The following RIN3 variants were observed in gnomAD, a reference collection of about 807,000 sequenced individuals.
RIN3 encodes RAB5 interacting protein 3.
Under a neutral mutation model 76.3 loss-of-function variants are expected in RIN3, and 54 were observed. That is an observed-to-expected ratio of 0.71 (90% confidence interval 0.57 to 0.89). The LOEUF (loss-of-function observed/expected upper bound fraction) is 0.89. Ranked by LOEUF, RIN3 falls within the 40% of genes least tolerant of loss-of-function variation. RIN3 has a pLI of 0.00. For missense variants in RIN3, 1,256 were observed against 1,322.1 expected (o/e 0.95, Z 0.78); for synonymous variants, 576 against 564.0 (o/e 1.02, Z -0.30).
Position 92,568,684 on chromosome 14 carries a change from G to T in RIN3, c.250-8676G>T, listed in dbSNP as rs377602078. On this transcript the variant is annotated intron_variant, in intron 2 of 9. Coordinates refer to ENST00000216487, the MANE Select transcript of RIN3 (RefSeq NM_024832.5). The surrounding 1 kb of genome is among the most constrained non-coding windows in gnomAD (Gnocchi z 4.2). ...GACTCCTGGAGCCATGCCAAACTCA[G>T]AGTCCGTCCCTGCCCCACTCTCCAT... Among the ~76,000 whole-genome samples the T allele has an allele frequency of 1.3e-4, 20 of 152,354 alleles. No homozygotes were observed. The East Asian group carries it at 3.5e-3, about 26-fold the overall frequency.
chr14:92,624,610 T>C (rs1233734484), intron 4 of RIN3, among the ~76,000 whole-genome samples: 1 of 152,076 alleles, frequency 6.6e-6, no homozygotes, highest in Non-Finnish European at 1.5e-5. Flanking sequence ...GGCAGAGATA[T>C]TTCTCTGCTG....
At chr14:92,526,391 A>G (rs937792355) in intron 1 of RIN3, among the ~76,000 whole-genome samples, 1 of 151,916 alleles carries the variant, frequency 6.6e-6, no homozygotes, top group Admixed American at 6.6e-5. Context: ...CTCGGGAGGC[A>G]GAGGTTGCAG....
chr14:92,651,559 C>T (rs769898931), intron 5 of RIN3, 23 bp from the exon 6 acceptor site: 1 of 1,572,520 alleles, frequency 6.4e-7, no homozygotes, highest in Non-Finnish European at 8.6e-7. Context: ...GACTGACCCC[C>T]TGCCCCTCTC....
chr14:92,537,548 C>T (rs1296767385), intron 1 of RIN3, among the ~76,000 whole-genome samples: 1 of 150,338 alleles, frequency 6.7e-6, no homozygotes, highest in Non-Finnish European at 1.5e-5. Flanking sequence ...TATGTGTTTG[C>T]AATTGTGATA....
chr14:92,643,179 G>A lies in RIN3; in HGVS notation c.532+1850G>A, dbSNP rs189047683. ...AGCGATTCTTCTGCCTCAGCCTCCC[G>A]AGTAGCTGGGACTACAGGCGCATGC... On this transcript the variant is annotated intron_variant, in intron 5 of 9. Transcript: ENST00000216487. This position sits in a 1 kb window ranked among gnomAD's most constrained non-coding sequence, Gnocchi z 4.8. Among the ~76,000 whole-genome samples, 427 of 151,936 alleles carry A rather than the reference G, an allele frequency of 2.8e-3. 10 individuals are homozygous for A. In the South Asian group the frequency reaches 0.039, roughly 14 times the overall value.
intron 4 of RIN3, among the ~76,000 whole-genome samples, chr14:92,635,522 C>T (rs570008218): frequency 6.6e-6 from 1 of 152,010 alleles, no homozygotes; most frequent in Non-Finnish European, 1.5e-5. Flanking sequence ...ACCTTGTGGC[C>T]CGGCAGACTC....
At chr14:92,599,191 T>C (rs1387329711) in intron 3 of RIN3, among the ~76,000 whole-genome samples, 1 of 152,062 alleles carries the variant, frequency 6.6e-6, no homozygotes, top group Admixed American at 6.5e-5. Context: ...GCGAAGGACA[T>C]TAAGTGTGGG....
At chr14:92,575,963 C>T (rs1898215453) in intron 2 of RIN3, among the ~76,000 whole-genome samples, 1 of 152,200 alleles carries the variant, frequency 6.6e-6, no homozygotes, top group African/African-American at 2.4e-5. Context: ...TGTCCCTGCT[C>T]CACAGCCTTT....
At chr14:92,627,891 T>G (rs1372307792) in intron 4 of RIN3, among the ~76,000 whole-genome samples, 2 of 152,174 alleles carry the variant, frequency 1.3e-5, no homozygotes, top group Non-Finnish European at 2.9e-5. Context: ...GCAATTTACT[T>G]CTATAGAAGG....
At chr14:92,644,650 C>T (rs1887133125) in intron 5 of RIN3, 1 of 152,192 alleles carries the variant, frequency 6.6e-6, no homozygotes, top group Non-Finnish European at 1.5e-5. Flanking sequence ...CCGTGCAGAC[C>T]TGGTGTCCCC....
intron 4 of RIN3, among the ~76,000 whole-genome samples, chr14:92,616,774 G>C (rs552814834): frequency 6.6e-6 from 1 of 152,272 alleles, no homozygotes; most frequent in African/African-American, 2.4e-5. Context: ...GTCTCTATGC[G>C]AGAGGAAATG....
In RIN3 at chr14:92,670,550, C is replaced by T. The variant is rs532096947; in HGVS notation, c.2336-5925C>T. On this transcript the variant is annotated intron_variant, in intron 7 of 9. Coordinates refer to ENST00000216487, the MANE Select transcript of RIN3 (RefSeq NM_024832.5). Reference sequence around the variant, plus strand: ...AACTGCCAAAATGTTGGGCTGGGACCCAGTGCGTTTAAACAATGCTTGAAG... The same window carrying T: ...AACTGCCAAAATGTTGGGCTGGGACTCAGTGCGTTTAAACAATGCTTGAAG... 1.1e-4 allele frequency among the ~76,000 whole-genome samples: 17 copies of T among 152,306 alleles called. 1 individual carries two copies. The highest frequency in any genetic ancestry group is 4.1e-4 in the African/African-American group (17 of 41,568).
chr14:92,520,962 G>T (rs528105054), intron 1 of RIN3, among the ~76,000 whole-genome samples: 1 of 152,102 alleles, frequency 6.6e-6, no homozygotes, highest in African/African-American at 2.4e-5. Context: ...ATTTATTATC[G>T]TTGCTTCTTT....
rs1052131550 is a variant in RIN3 at position 92,515,248 on chromosome 14, C to T, written c.44+1272C>T. 50 of 700,332 alleles carry T rather than the reference C, an allele frequency of 7.1e-5. No homozygotes were observed. The Admixed American group carries it at 1.0e-3, about 14-fold the overall frequency. 43.4% of individuals were successfully genotyped at this position (700,332 alleles called of 1,614,324 possible). A position where few individuals can be genotyped will look rare whatever the true frequency, so the allele number is the denominator to read the frequency against. On this transcript the variant is annotated intron_variant, in intron 1 of 9. Transcript: ENST00000216487. ...CCATCCGGTGGGAAGAACTGGGAATCCGTTGGGGAAGAGCCCCCCAACCCT... is the reference window on the plus strand; with the variant it reads ...CCATCCGGTGGGAAGAACTGGGAATTCGTTGGGGAAGAGCCCCCCAACCCT...
intron 4 of RIN3, among the ~76,000 whole-genome samples, chr14:92,634,604 G>A (rs974426634): frequency 1.3e-5 from 2 of 151,938 alleles, no homozygotes; most frequent in Non-Finnish European, 2.9e-5. Context: ...GGTGGCTCAC[G>A]CCTGTAATCC....
At chr14:92,561,153 A>ATATATT (rs10630820) in intron 2 of RIN3, among the ~76,000 whole-genome samples, 57,076 of 126,246 alleles carry the variant, frequency 0.45, 13,536 homozygotes, top group East Asian at 0.96. Context: ...ATTTTTATAT[A>ATATATT]TATATTTATA....
chr14:92,642,839 G>A (rs1024628965), intron 5 of RIN3, among the ~76,000 whole-genome samples: 2 of 152,212 alleles, frequency 1.3e-5, no homozygotes, highest in Non-Finnish European at 2.9e-5. Context: ...CGCTCCATGA[G>A]CACTGACTGC....
chr14:92,680,491 T>C (rs1444779046), intron 8 of RIN3, among the ~76,000 whole-genome samples: 1 of 152,178 alleles, frequency 6.6e-6, no homozygotes, highest in Non-Finnish European at 1.5e-5. Context: ...TGAGCCACCA[T>C]GTCCAGCTGG....
chr14:92,652,679 G>A lies in RIN3; in HGVS notation c.1630G>A (p.Ala544Thr). The change falls in exon 6 of 10, where the codon GCC (alanine) becomes ACC (threonine). Residue 544 changes from alanine to threonine, a missense_variant. By Grantham distance (58) the Ala-to-Thr change is moderately conservative. Around this residue, in one of 3 missense-constraint regions of RIN3, gnomAD observed 428 missense variants for 521.2 expected, o/e 0.82. Transcript: ENST00000216487. This position sits in a 1 kb window ranked among gnomAD's most constrained non-coding sequence, Gnocchi z 6.4. The stretch of plus-strand genomic sequence containing the variant: ...AGACAGCTTGGGGGTGTCTGTCATG[G>A]CCACCGACCAGGACTCCTACTCCAC... ...LSDSLGVSVM[A>T]TDQDSYSTSS... 5.6e-6 allele frequency: 9 copies of A among 1,612,834 alleles called. No individual in the cohort carries two copies. The highest frequency in any genetic ancestry group is 7.6e-6 in the Non-Finnish European group (9 of 1,180,004).
Sources: gnomAD v4.1 joint callset for allele counts (sites outside exome capture counted in the v4.1 genomes callset) on GRCh38, gnomAD v4.1.1 for gene constraint, gnomAD v4.1.1 regional missense constraint, Gnocchi (gnomAD v3.1) non-coding constraint, MANE v1.5 for transcripts, NCBI Gene and HGNC (gene_info 2026-07-23, HGNC 2026-07-21) for gene names.